The following TRHDE variants were observed in gnomAD, a reference collection of about 807,000 sequenced individuals.
TRHDE encodes the protein thyrotropin releasing hormone degrading enzyme.
In TRHDE, 72 loss-of-function variants were observed where a neutral mutation model predicts 125.7. That is an observed-to-expected ratio of 0.57 (90% confidence interval 0.47 to 0.70). The LOEUF is 0.70. TRHDE is among the 30% of genes least tolerant of loss of function. TRHDE has a pLI of 0.00. For synonymous variants in TRHDE, 509 were observed against 509.1 expected (o/e 1.00, Z 0.00); for missense variants, 1,110 against 1,327.1 (o/e 0.84, Z 2.54).
chr12:72,537,703 G>GTCTT (rs1334907371), intron 6 of TRHDE, among the ~76,000 whole-genome samples: 3 of 151,900 alleles, frequency 2.0e-5, no homozygotes, highest in Admixed American at 6.6e-5. Flanking sequence ...CCTACTTCCA[G>GTCTT]TCTTTCCAAC....
intron 5 of TRHDE, among the ~76,000 whole-genome samples, chr12:72,485,296 G>T: frequency 6.6e-6 from 1 of 152,154 alleles, no homozygotes; most frequent in Non-Finnish European, 1.5e-5. Context: ...AGTAGTCATT[G>T]TACCCTTCCA....
intron 2 of TRHDE, chr12:72,263,325 G>C (rs940397425): frequency 3.3e-5 from 5 of 151,468 alleles, no homozygotes; most frequent in Admixed American, 3.3e-4. Flanking sequence ...CATGGGGGTC[G>C]GGGAATGGTC....
chr12:72,377,855 T>G, intron 2 of TRHDE, 140 bp from the exon 3 acceptor site: 1 of 515,394 alleles, frequency 1.9e-6, no homozygotes, highest in East Asian at 3.4e-5. Context: ...AGCCCCACTG[T>G]GCTTTGATAT....
intron 15 of TRHDE, among the ~76,000 whole-genome samples, chr12:72,642,355 T>C (rs576760672): frequency 6.6e-6 from 1 of 152,338 alleles, no homozygotes; most frequent in African/African-American, 2.4e-5. Flanking sequence ...CAGTAAAATA[T>C]GAAAGTAAAT....
intron 3 of TRHDE, among the ~76,000 whole-genome samples, chr12:72,458,270 C>T (rs920819838): frequency 7.9e-5 from 12 of 152,216 alleles, no homozygotes; most frequent in East Asian, 5.8e-4. Context: ...TATATATTGC[C>T]GGTGTTTTAT....
At chr12:72,643,054 C>A (rs921104501) in intron 15 of TRHDE, among the ~76,000 whole-genome samples, 3 of 152,138 alleles carry the variant, frequency 2.0e-5, no homozygotes, top group Admixed American at 6.5e-5. Flanking sequence ...GCTTACCAAT[C>A]TTGTTTCATT....
At chr12:72,290,140 A>G (rs1479726050) in intron 2 of TRHDE, among the ~76,000 whole-genome samples, 1 of 152,232 alleles carries the variant, frequency 6.6e-6, no homozygotes, top group Non-Finnish European at 1.5e-5. Context: ...GATGTGCTTC[A>G]TGGAGGAGAT....
chr12:72,206,189 T>G (rs1877661906), intron 2 of TRHDE, among the ~76,000 whole-genome samples: 1 of 151,182 alleles, frequency 6.6e-6, no homozygotes, highest in Non-Finnish European at 1.5e-5. Context: ...TGGGTTCAAG[T>G]GATTCTCCTC....
intron 6 of TRHDE, among the ~76,000 whole-genome samples, chr12:72,509,961 G>A (rs912650993): frequency 2.6e-5 from 4 of 152,244 alleles, no homozygotes; most frequent in African/African-American, 9.6e-5. Context: ...GAGTTTCCAA[G>A]GTAATTCCAT....
At chr12:72,453,209 G>T (rs1027299388) in intron 3 of TRHDE, among the ~76,000 whole-genome samples, 2 of 152,198 alleles carry the variant, frequency 1.3e-5, no homozygotes, top group South Asian at 2.1e-4. Flanking sequence ...AATCCAGGCT[G>T]AGAAGGTCTC....
chr12:72,617,014 A>G (rs867352273), intron 12 of TRHDE, among the ~76,000 whole-genome samples: 7 of 152,246 alleles, frequency 4.6e-5, no homozygotes, highest in South Asian at 4.1e-4. Flanking sequence ...CAACAAACCT[A>G]TGAAATCAAA....
rs1381208144 is a variant in TRHDE at position 72,562,904 on chromosome 12, T to C, written c.1906T>C (p.Trp636Arg). ...YVNIQEVMDQ[W>R]TLQMGYPVIT... Reference sequence around the variant, plus strand: ...AAATATACAAGAAGTAATGGATCAGTGGACACTCCAGATGGGTTATCCTGT... The same window carrying C: ...AAATATACAAGAAGTAATGGATCAGCGGACACTCCAGATGGGTTATCCTGT... Residue 636 changes from tryptophan (W) to arginine (R), a missense_variant, in exon 9 of 19, where the codon TGG becomes CGG. Physicochemically the swap from Trp to Arg is moderately radical, Grantham distance 101. Around this residue, in one of 5 missense-constraint regions of TRHDE, gnomAD observed 527 missense variants for 651.8 expected, o/e 0.81. Transcript: ENST00000261180. 1 of 1,606,318 alleles carries C rather than the reference T, an allele frequency of 6.2e-7. No homozygotes were observed.
At chr12:72,156,333 T>G (rs1469698666) in intron 2 of TRHDE, among the ~76,000 whole-genome samples, 1 of 152,214 alleles carries the variant, frequency 6.6e-6, no homozygotes, top group East Asian at 1.9e-4. Flanking sequence ...CCCTGACCCC[T>G]TGCGCTTCCC....
At chr12:72,321,900 G>A (rs1002793190) in intron 2 of TRHDE, among the ~76,000 whole-genome samples, 4 of 151,834 alleles carry the variant, frequency 2.6e-5, no homozygotes, top group African/African-American at 4.8e-5. Context: ...CACCCCCTAA[G>A]AGTCCTAGAG....
chr12:72,500,830 T>C (rs1376239613), intron 6 of TRHDE, among the ~76,000 whole-genome samples: 1 of 150,954 alleles, frequency 6.6e-6, no homozygotes, highest in Non-Finnish European at 1.5e-5. Context: ...TTGGGTCCTG[T>C]TAGTCCTCCA....
chr12:72,528,781 G>A (rs1332387857), intron 6 of TRHDE, among the ~76,000 whole-genome samples: 1 of 151,904 alleles, frequency 6.6e-6, no homozygotes, highest in Non-Finnish European at 1.5e-5. Flanking sequence ...CCACTGCACA[G>A]GCCCTTCTTA....
At chr12:72,418,920 A>G (rs1001286321) in intron 3 of TRHDE, among the ~76,000 whole-genome samples, 2 of 152,172 alleles carry the variant, frequency 1.3e-5, no homozygotes, top group African/African-American at 2.4e-5. Context: ...AACAATCTCT[A>G]TTATTAAAAA....
At chr12:72,271,829 G>C, upstream of TRHDE, 1 of 439,136 alleles carries the variant, frequency 2.3e-6, no homozygotes, top group East Asian at 7.0e-5. Flanking sequence ...CTACCTGAAG[G>C]GGATGGCCCG....
intron 2 of TRHDE, among the ~76,000 whole-genome samples, chr12:72,197,743 T>C (rs76893739): frequency 0.034 from 5,168 of 152,088 alleles, 160 homozygotes; most frequent in African/African-American, 0.081. Flanking sequence ...GAACACCATT[T>C]CCTCCTTTGT....
Sources: allele counts gnomAD v4.1 joint callset (sites outside exome capture counted in the v4.1 genomes callset), GRCh38; gene constraint gnomAD v4.1.1; regional missense constraint gnomAD v4.1.1; transcripts MANE v1.5; gene names NCBI Gene and HGNC (gene_info 2026-07-23, HGNC 2026-07-21).